FHIT: variants seen among roughly 807,000 people sequenced by gnomAD.
The protein encoded by FHIT is fragile histidine triad diadenosine triphosphatase, also known as bis(5'-adenosyl)-triphosphatase.
In FHIT, 19 loss-of-function variants were observed where a neutral mutation model predicts 17.9. The observed-to-expected ratio is 1.06, with a 90% CI of 0.74 to 1.56. The LOEUF (loss-of-function observed/expected upper bound fraction) is 1.56. Among genes scored for constraint, FHIT ranks in the 40% most tolerant of loss-of-function variants. The pLI is 0.00. For synonymous variants in FHIT, 81 were observed against 69.7 expected (o/e 1.16, Z -0.81); for missense variants, 248 against 189.2 (o/e 1.31, Z -1.82).
intron 5 of FHIT, among the ~76,000 whole-genome samples, chr3:60,214,885 A>G (rs1462543274): frequency 6.6e-6 from 1 of 152,172 alleles, no homozygotes; most frequent in Non-Finnish European, 1.5e-5. Flanking sequence ...ATGCAGCTGG[A>G]GGCCATTATC....
At chr3:59,823,347 T>C (rs1343576589) in intron 8 of FHIT, among the ~76,000 whole-genome samples, 1 of 152,224 alleles carries the variant, frequency 6.6e-6, no homozygotes, top group Non-Finnish European at 1.5e-5. Context: ...GGTATTTTTA[T>C]GGGAATTGCA....
chr3:60,503,391 C>T (rs1401862996), intron 5 of FHIT, among the ~76,000 whole-genome samples: 2 of 152,070 alleles, frequency 1.3e-5, no homozygotes, highest in Non-Finnish European at 2.9e-5. Context: ...ATAACATTTA[C>T]ATAATTTATG....
intron 5 of FHIT, among the ~76,000 whole-genome samples, chr3:60,159,796 T>C (rs1362974428): frequency 6.6e-6 from 1 of 152,192 alleles, no homozygotes; most frequent in Non-Finnish European, 1.5e-5. Context: ...GGTTAATAAA[T>C]GGTGGAGACA....
chr3:60,359,273 ATATCT>A (rs1252476807), intron 5 of FHIT, among the ~76,000 whole-genome samples: 1 of 147,494 alleles, frequency 6.8e-6, no homozygotes, highest in Non-Finnish European at 1.5e-5. Context: ...GAATATGAAA[ATATCT>A]TTTTTTTTTT....
chr3:60,288,521 G>T lies in FHIT; in HGVS notation c.103+248339C>A, dbSNP rs550249662. ...GACTGTGGTCCAGCACTTGCTCCACGAATTGCAAACCTCCTTAATCATTCT... is the reference window on the plus strand; with the variant it reads ...GACTGTGGTCCAGCACTTGCTCCACTAATTGCAAACCTCCTTAATCATTCT... On this transcript the variant is annotated intron_variant, in intron 5 of 9. Coordinates refer to ENST00000492590, the MANE Select transcript of FHIT (RefSeq NM_002012.4). Among the ~76,000 whole-genome samples, 417 of 151,794 alleles carry T rather than the reference G, an allele frequency of 2.7e-3. 2 individuals carry two copies. The highest frequency in any genetic ancestry group is 4.2e-3 in the Non-Finnish European group (287 of 67,970).
intron 4 of FHIT, among the ~76,000 whole-genome samples, chr3:60,565,554 A>T (rs1233151945): frequency 6.6e-6 from 1 of 152,234 alleles, no homozygotes; most frequent in African/African-American, 2.4e-5. Flanking sequence ...AAGGGAAATT[A>T]GTTACACAAC....
At chr3:60,356,757 A>AAAAAAAAC (rs1699677238) in intron 5 of FHIT, among the ~76,000 whole-genome samples, 1 of 57,970 alleles carries the variant, frequency 1.7e-5, no homozygotes, top group African/African-American at 5.9e-5. Context: ...CAGAGACAAA[A>AAAAAAAAC]AAAAAAAAAA....
chr3:59,918,147 A>G (rs1705223958), intron 8 of FHIT, among the ~76,000 whole-genome samples: 1 of 152,226 alleles, frequency 6.6e-6, no homozygotes, highest in Admixed American at 6.5e-5. Context: ...TCTGAAGAGC[A>G]ATATATAGTC....
intron 8 of FHIT, among the ~76,000 whole-genome samples, chr3:59,851,709 C>A (rs919644403): frequency 1.1e-4 from 17 of 152,220 alleles, no homozygotes; most frequent in African/African-American, 3.9e-4. Context: ...CAGAATATCA[C>A]TATCACAAGT....
chr3:60,133,001 T>C (rs1408093027), intron 5 of FHIT, among the ~76,000 whole-genome samples: 1 of 152,016 alleles, frequency 6.6e-6, no homozygotes, highest in Non-Finnish European at 1.5e-5. Context: ...ATCTACCCAA[T>C]ACAGATTTAA....
At chr3:60,915,021 A>G (rs1407975251) in intron 3 of FHIT, among the ~76,000 whole-genome samples, 1 of 152,244 alleles carries the variant, frequency 6.6e-6, no homozygotes, top group African/African-American at 2.4e-5. Flanking sequence ...ATTACACTAC[A>G]TAGTTCATAC....
intron 8 of FHIT, among the ~76,000 whole-genome samples, chr3:59,834,813 A>G (rs1905866): frequency 0.5 from 76,583 of 152,054 alleles, 21,509 homozygotes; most frequent in Middle Eastern, 0.71. Context: ...ACAGATATAC[A>G]CACATAAAAA....
chr3:60,879,176 G>A (rs981510674), intron 3 of FHIT, among the ~76,000 whole-genome samples: 10 of 152,024 alleles, frequency 6.6e-5, no homozygotes, highest in African/African-American at 1.9e-4. Flanking sequence ...TTTAATGATC[G>A]CCATTCTAAC....
chr3:60,068,243 CA>C (rs1344501637), intron 5 of FHIT, among the ~76,000 whole-genome samples: 1 of 150,600 alleles, frequency 6.6e-6, no homozygotes, highest in South Asian at 2.1e-4. Context: ...TCAAAAAAAA[CA>C]AAACAAAACA....
chr3:59,941,945 G>C (rs562036502), intron 7 of FHIT, among the ~76,000 whole-genome samples: 2 of 152,238 alleles, frequency 1.3e-5, no homozygotes, highest in South Asian at 4.2e-4. Flanking sequence ...CCTTGGATGA[G>C]AGCTCACTCC....
Position 60,200,220 on chromosome 3 carries a change from C to T in FHIT, c.104-186068G>A, listed in dbSNP as rs148594137. On this transcript the variant is annotated intron_variant, in intron 5 of 9. Coordinates refer to ENST00000492590, the MANE Select transcript of FHIT (RefSeq NM_002012.4). ...ACACTGGATTGTGGGTGCTCCCTGA[C>T]GTGCTAATGAGAGTTCTGTTACCAA... Among the ~76,000 whole-genome samples the T allele has an allele frequency of 6.6e-5, 10 of 152,230 alleles. No individual in the cohort carries two copies. In the South Asian group the frequency reaches 8.3e-4, roughly 13 times the overall value.
chr3:60,261,901 A>G (rs1018941761), intron 5 of FHIT, among the ~76,000 whole-genome samples: 1 of 152,074 alleles, frequency 6.6e-6, no homozygotes, highest in East Asian at 1.9e-4. Context: ...ACAAAGGGAC[A>G]CAGAAGAATC....
At position 60,174,431 on chromosome 3, in the gene FHIT, T is replaced by C. The variant is rs1039297306; in HGVS notation, c.104-160279A>G. Among the ~76,000 whole-genome samples, 6 of 152,306 alleles carry C rather than the reference T, an allele frequency of 3.9e-5. No homozygotes were observed. The East Asian group carries it at 9.7e-4, about 25-fold the overall frequency. Reference sequence around the variant, plus strand: ...GTAAGATTTTGATTGTTTTGTTTTATATTTTGTTTATGTTTATATGCATCT... The same window carrying C: ...GTAAGATTTTGATTGTTTTGTTTTACATTTTGTTTATGTTTATATGCATCT... On this transcript the variant is annotated intron_variant, in intron 5 of 9. Transcript: ENST00000492590.
chr3:60,939,350 A>G (rs2107405912), intron 3 of FHIT, among the ~76,000 whole-genome samples: 1 of 152,318 alleles, frequency 6.6e-6, no homozygotes, highest in African/African-American at 2.4e-5. Context: ...GGTTGCTCTC[A>G]TCATTAACAG....
Sources: gnomAD v4.1 joint callset for allele counts (sites outside exome capture counted in the v4.1 genomes callset) on GRCh38, gnomAD v4.1.1 for gene constraint, MANE v1.5 for transcripts, NCBI Gene and HGNC (gene_info 2026-07-23, HGNC 2026-07-21) for gene names.